The following DOCK6 variants were observed in gnomAD, a reference collection of about 807,000 sequenced individuals.
DOCK6 encodes the protein dedicator of cytokinesis protein 6.
DOCK6 carries 167 observed loss-of-function variants against 230.3 expected under a neutral mutation model. The ratio of observed to expected loss-of-function variants is 0.73; its 90% CI spans 0.64 to 0.82. The LOEUF (loss-of-function observed/expected upper bound fraction) is 0.82, where lower values mean the gene tolerates loss of function less well. Ranked by LOEUF, DOCK6 falls within the 40% of genes least tolerant of loss-of-function variation. DOCK6 has a pLI of 0.00. For synonymous variants in DOCK6, 1,148 were observed against 1,185.0 expected, an observed-to-expected ratio of 0.97 and a Z score of 0.64; for missense variants, 2,598 against 2,825.8, an observed-to-expected ratio of 0.92 and a Z score of 1.83.
rs372687326 is a variant in DOCK6, at chr19:11,251,001, G to T, written c.593C>A (p.Ala198Glu). The T allele has an allele frequency of 1.9e-6, 3 of 1,613,732 alleles. No individual in the cohort carries two copies. The highest frequency in any genetic ancestry group is 1.1e-5 in the South Asian group (1 of 91,068). ...CAGAGAGGGCAGCAATGAGTCAGCT[G>T]CCAGGTTCCTCAGGTCGAAGATGCT... The part of the protein sequence containing the change: ...ASSIFDLRNL[A>E]ADSLLPSLLE... The change falls in exon 6 of 48, where the codon GCA (alanine) becomes GAA (glutamate). Residue 198 changes from alanine (A) to glutamate (E), a missense_variant. Transcript: ENST00000294618.
At chr19:11,245,902 G>C in intron 7 of DOCK6, 24 bp from the exon 8 acceptor site, 1 of 1,553,564 alleles carries the variant, frequency 6.4e-7, no homozygotes, top group Non-Finnish European at 8.7e-7. Context: ...GGAGGGAGGG[G>C]GCTCTCCTTA....
At chr19:11,227,224 GTGGATTCC>G in intron 24 of DOCK6, 105 bp downstream of exon 24, 2 of 1,434,580 alleles carry the variant, frequency 1.4e-6, no homozygotes, top group South Asian at 2.6e-5. Flanking sequence ...ACCCAGCAAA[GTGGATTCC>G]TGGTCTTACG....
chr19:11,248,415 T>C (rs1568261312), intron 6 of DOCK6, among the ~76,000 whole-genome samples: 1 of 151,808 alleles, frequency 6.6e-6, no homozygotes, highest in East Asian at 1.9e-4. Context: ...TATAGAAGCT[T>C]ATTTTTTTTT....
chr19:11,244,147 CTTAT>C (rs1222155506), intron 9 of DOCK6, among the ~76,000 whole-genome samples: 1 of 151,310 alleles, frequency 6.6e-6, no homozygotes, highest in Non-Finnish European at 1.5e-5. Flanking sequence ...CCTAAATTTA[CTTAT>C]TTATTTACAT....
In DOCK6 at chr19:11,202,068, G is replaced by T; in HGVS notation, c.5509C>A (p.Arg1837=). 6.2e-7 allele frequency: 1 copy of T among 1,613,998 alleles called. No individual in the cohort carries two copies. The highest frequency in any genetic ancestry group is 8.5e-7 in the Non-Finnish European group (1 of 1,179,906). Residue 1837 remains arginine (R), a synonymous_variant, in exon 44 of 48, where the codon CGG becomes AGG. Coordinates refer to ENST00000294618, the MANE Select transcript of DOCK6 (RefSeq NM_020812.4). This position sits in a 1 kb window ranked among gnomAD's most constrained non-coding sequence, Gnocchi z 5.3. ...TAGTTGCGGTCAAAGTAGGTCACCC[G>T]GTCCTTGAGCTCGTAGGTATCAAAG... ...PYFDTYELKD[R]VTYFDRNYGL...
chr19:11,211,734 G>T, intron 37 of DOCK6, 42 bp downstream of exon 37: 1 of 1,453,522 alleles, frequency 6.9e-7, no homozygotes. Context: ...TGCACCTGTT[G>T]GGGCGTGGGC....
At chr19:11,233,435 C>G in intron 21 of DOCK6, 69 bp from the exon 22 acceptor site, 1 of 1,536,720 alleles carries the variant, frequency 6.5e-7, no homozygotes, top group Non-Finnish European at 8.8e-7. Context: ...CCTTCCTACT[C>G]AGCTAATCTC....
At position 11,237,790 on chromosome 19, in the gene DOCK6, C is replaced by CGGGCTGGGGGATCTGCTGG; in HGVS notation, c.1833-30_1833-12dup. On this transcript the variant is annotated splice_polypyrimidine_tract_variant and intron_variant, in intron 16 of 47. Transcript: ENST00000294618. ...TAGAACTCGGGGGACCTGGCAGAAT[C>CGGGCTGGGGGATCTGCTGG]GGGCTGGGGGATCTGCTGGGGGCTG... The CGGGCTGGGGGATCTGCTGG allele has an allele frequency of 6.4e-7, 1 of 1,561,556 alleles. No individual in the cohort carries two copies. The highest frequency in any genetic ancestry group is 8.7e-7 in the Non-Finnish European group (1 of 1,153,242).
chr19:11,211,758 C>A lies in DOCK6; in HGVS notation c.4751+18G>T, dbSNP rs1298033872. On this transcript the variant is annotated intron_variant, in intron 37 of 47. Transcript: ENST00000294618. Reference sequence around the variant, plus strand: ...TGGGGCGTGGGCGTGGCTGAAGGTGCCAGCTGGCCCACCTCACCTGTACAT... The same window carrying A: ...TGGGGCGTGGGCGTGGCTGAAGGTGACAGCTGGCCCACCTCACCTGTACAT... 1 of 1,541,698 alleles carries A rather than the reference C, an allele frequency of 6.5e-7. No homozygotes were observed. The highest frequency in any genetic ancestry group is 8.8e-7 in the Non-Finnish European group (1 of 1,138,724).
rs1160476335 is a variant in DOCK6, at chr19:11,227,442, C to G, written c.2850G>C (p.Gln950His). Residue 950 changes from glutamine (Q) to histidine (H), a missense_variant, in exon 24 of 48, where the codon CAG becomes CAC. Gln to His is a conservative substitution (Grantham distance 24). Transcript: ENST00000294618. ...KSMALHLLLG[Q>H]RLDTPRKLRF... is the part of the protein sequence containing the mutation. ...GCAGCTTGCGGGGTGTGTCTAGTCG[C>G]TGGCCAAGCAGCAGGTGCAGCGCCA... The G allele has an allele frequency of 6.2e-7, 1 of 1,607,942 alleles. No homozygotes were observed. Among genetic ancestry groups the G allele is most frequent in the Non-Finnish European group, 8.5e-7 (1 of 1,177,548 alleles).
rs575458569 is a variant in DOCK6, at chr19:11,243,933, C to T, written c.1024-51G>A. 2 of 1,558,174 alleles carry T rather than the reference C, an allele frequency of 1.3e-6. No homozygotes were observed. Among genetic ancestry groups the T allele is most frequent in the Admixed American group, 1.9e-5 (1 of 51,970 alleles). ...TGAGGCGCTGCCCGAACGCTCTGTT[C>T]CCCCGTGCTGGCTCCCCAGCCTCCT... On this transcript the variant is annotated intron_variant, in intron 9 of 47. Transcript: ENST00000294618. This position sits in a 1 kb window ranked among gnomAD's most constrained non-coding sequence, Gnocchi z 6.3.
intron 32 of DOCK6, among the ~76,000 whole-genome samples, chr19:11,215,165 G>A (rs957190453): frequency 6.6e-6 from 1 of 151,612 alleles, no homozygotes; most frequent in African/African-American, 2.4e-5. Flanking sequence ...GGATGGTCTC[G>A]ATCTCCTGAT....
At chr19:11,245,350 G>A (rs183031979) in intron 9 of DOCK6, among the ~76,000 whole-genome samples, 8 of 152,170 alleles carry the variant, frequency 5.3e-5, no homozygotes, top group Non-Finnish European at 1.0e-4. Context: ...GGCTGCCCAC[G>A]TATAGTTATC....
In DOCK6 at chr19:11,236,988, G is replaced by T; in HGVS notation, c.2074-109C>A. The T allele has an allele frequency of 8.4e-7, 1 of 1,194,648 alleles. No homozygotes were observed. Among genetic ancestry groups the T allele is most frequent in the Non-Finnish European group, 1.2e-6 (1 of 861,000 alleles). The allele number at this position is 1,194,648 out of a possible 1,614,324, so 74.0% of individuals were successfully genotyped here. A position where few individuals can be genotyped will look rare whatever the true frequency, so the allele number is the denominator to read the frequency against. Reference sequence around the variant, plus strand: ...TGCAGCGTGAGTGTAGCCCGGTCTGGGGGTGCAGCCAAGCACCCTGCCCCC... The same window carrying T: ...TGCAGCGTGAGTGTAGCCCGGTCTGTGGGTGCAGCCAAGCACCCTGCCCCC... On this transcript the variant is annotated intron_variant, in intron 18 of 47. Coordinates refer to ENST00000294618, the MANE Select transcript of DOCK6 (RefSeq NM_020812.4). The surrounding 1 kb of genome is among the most constrained non-coding windows in gnomAD (Gnocchi z 5.2).
intron 29 of DOCK6, 57 bp downstream of exon 29, chr19:11,217,174 C>A (rs1212017451): frequency 6.3e-7 from 1 of 1,598,732 alleles, no homozygotes; most frequent in African/African-American, 1.3e-5. Context: ...TATCTTGATA[C>A]ATGACTTCTC....
At chr19:11,235,860 T>A in intron 20 of DOCK6, 101 bp from the exon 21 acceptor site, 12 of 1,312,242 alleles carry the variant, frequency 9.1e-6, no homozygotes, top group Non-Finnish European at 1.1e-5. Flanking sequence ...GATCATGTGC[T>A]CATTAAGGGG....
chr19:11,215,602 G>T, intron 31 of DOCK6, 131 bp from the exon 32 acceptor site: 1 of 1,275,872 alleles, frequency 7.8e-7, no homozygotes, highest in Non-Finnish European at 1.1e-6. Context: ...GCAGAAGCCT[G>T]CCGGGTGGAC....
chr19:11,218,245 C>T (rs2079525791), intron 28 of DOCK6, among the ~76,000 whole-genome samples: 1 of 152,140 alleles, frequency 6.6e-6, no homozygotes, highest in Non-Finnish European at 1.5e-5. Flanking sequence ...CTCCCGGGTT[C>T]AAGCAATTCT....
chr19:11,206,681 A>T (rs2079266470), intron 39 of DOCK6, among the ~76,000 whole-genome samples: 1 of 152,178 alleles, frequency 6.6e-6, no homozygotes, highest in South Asian at 2.1e-4. Flanking sequence ...ATCAGAGATC[A>T]TCTGGGACAT....
Sources: gnomAD v4.1 joint callset for allele counts (sites outside exome capture counted in the v4.1 genomes callset) on GRCh38, gnomAD v4.1.1 for gene constraint, Gnocchi (gnomAD v3.1) non-coding constraint, MANE v1.5 for transcripts, NCBI Gene and HGNC (gene_info 2026-07-23, HGNC 2026-07-21) for gene names.